The following IL1RAPL1 variants were observed in gnomAD, a reference collection of about 807,000 sequenced individuals.
The protein encoded by IL1RAPL1 is interleukin-1 receptor accessory protein-like 1.
IL1RAPL1 carries 3 observed loss-of-function variants against 48.4 expected under a neutral mutation model. That is an observed-to-expected ratio of 0.06 (90% CI 0.03 to 0.16). The LOEUF is 0.16. Ranked by LOEUF, IL1RAPL1 falls within the 10% of genes least tolerant of loss-of-function variation. The pLI, the probability that IL1RAPL1 is intolerant of heterozygous loss-of-function variation, is 1.00. For synonymous variants in IL1RAPL1, 185 were observed against 187.7 expected, an observed-to-expected ratio of 0.99 and a Z score of 0.12; for missense variants, 349 against 530.6, an observed-to-expected ratio of 0.66 and a Z score of 3.36.
intron 9 of IL1RAPL1, among the ~76,000 whole-genome samples, 161 bp from the exon 10 acceptor site, chrX:29,954,361 T>C (rs1403880183): frequency 9.0e-6 from 1 of 110,917 alleles, no homozygotes; most frequent in Admixed American, 9.6e-5. Context: ...AAACTAGTTT[T>C]AGAATCATTG....
intron 2 of IL1RAPL1, among the ~76,000 whole-genome samples, chrX:28,816,972 C>T (rs147686375): frequency 1.6e-4 from 18 of 110,432 alleles, no homozygotes; most frequent in African/African-American, 5.9e-4. Context: ...TCACTGATGC[C>T]TGTTCAGTTC....
chrX:29,077,982 A>G (rs1303696454), intron 2 of IL1RAPL1, among the ~76,000 whole-genome samples: 1 of 112,202 alleles, frequency 8.9e-6, no homozygotes, highest in East Asian at 2.8e-4. Context: ...AAATCAACAT[A>G]AAGAACAACA....
In IL1RAPL1 at chrX:28,839,800, C is replaced by T. The variant is rs996329803; in HGVS notation, c.82+50375C>T. 7.2e-5 allele frequency among the ~76,000 whole-genome samples: 8 copies of T among 110,473 alleles called. No individual in the cohort carries two copies. In the Admixed American group the frequency reaches 7.7e-4, roughly 11 times the overall value. On this transcript the variant is annotated intron_variant, in intron 2 of 10. Coordinates refer to ENST00000378993, the MANE Select transcript of IL1RAPL1 (RefSeq NM_014271.4). ...TGATAAAGGAAACTCAGGATGTAAG[C>T]CTGACACCCAAAGAGAGTTGGAGGG...
At chrX:29,280,532 G>A (rs1395640601) in intron 2 of IL1RAPL1, among the ~76,000 whole-genome samples, 1 of 112,161 alleles carries the variant, frequency 8.9e-6, no homozygotes, top group African/African-American at 3.2e-5. Flanking sequence ...TTATTAGCTG[G>A]CATGGAGTTT....
chrX:29,176,085 C>CTTTTTTTTTTT (rs752040172), intron 2 of IL1RAPL1, among the ~76,000 whole-genome samples: 8 of 75,748 alleles, frequency 1.1e-4, no homozygotes, highest in Admixed American at 3.3e-4. Flanking sequence ...TGGTAATTTG[C>CTTTTTTTTTTT]TTTTTTTTTT....
At chrX:29,634,216 T>A (rs149489533) in intron 5 of IL1RAPL1, among the ~76,000 whole-genome samples, 10,694 of 111,424 alleles carry the variant, frequency 0.096, 424 homozygotes, top group Middle Eastern at 0.21. Context: ...ACTTCTGGAT[T>A]CAGGGGTAAA....
intron 6 of IL1RAPL1, among the ~76,000 whole-genome samples, chrX:29,684,962 T>C (rs1926574906): frequency 8.9e-6 from 1 of 112,488 alleles, no homozygotes. Context: ...TGGACTTCGT[T>C]AATTTAGGAT....
intron 6 of IL1RAPL1, among the ~76,000 whole-genome samples, chrX:29,900,802 A>G (rs1245572712): frequency 5.4e-5 from 6 of 111,970 alleles, no homozygotes; most frequent in Non-Finnish European, 1.9e-5. Context: ...GTATATGGCC[A>G]TGATTTTATT....
chrX:29,742,929 C>A (rs1050919611), intron 6 of IL1RAPL1, among the ~76,000 whole-genome samples: 4 of 110,779 alleles, frequency 3.6e-5, no homozygotes, highest in African/African-American at 1.3e-4. Flanking sequence ...ATTCTAGTTG[C>A]GGCCCTGCCC....
At chrX:29,783,641 T>C (rs1929419174) in intron 6 of IL1RAPL1, among the ~76,000 whole-genome samples, 1 of 111,755 alleles carries the variant, frequency 8.9e-6, no homozygotes, top group South Asian at 3.7e-4. Flanking sequence ...CCCTGGGTAA[T>C]GTATAAATTC....
chrX:28,824,371 A>G (rs1307848019), intron 2 of IL1RAPL1, among the ~76,000 whole-genome samples: 1 of 111,349 alleles, frequency 9.0e-6, no homozygotes, highest in Admixed American at 9.6e-5. Flanking sequence ...TGAAAACTCT[A>G]GTCAGAATTT....
intron 2 of IL1RAPL1, among the ~76,000 whole-genome samples, chrX:28,882,133 A>G (rs769104633): frequency 9.0e-6 from 1 of 110,686 alleles, no homozygotes; most frequent in East Asian, 2.8e-4. Flanking sequence ...TTAAAAATTA[A>G]AAAAATATAT....
At chrX:29,937,344 G>A (rs1933050021) in intron 8 of IL1RAPL1, among the ~76,000 whole-genome samples, 1 of 111,918 alleles carries the variant, frequency 8.9e-6, no homozygotes, top group African/African-American at 3.2e-5. Flanking sequence ...CATTTCAAAG[G>A]GAAAATGACA....
intron 1 of IL1RAPL1, among the ~76,000 whole-genome samples, chrX:28,682,628 A>G (rs1372813764): frequency 9.0e-6 from 1 of 111,721 alleles, no homozygotes; most frequent in African/African-American, 3.3e-5. Context: ...GGGTCATCTT[A>G]TCCATAGAAC....
chrX:29,441,108 C>T (rs1321176497), intron 5 of IL1RAPL1, among the ~76,000 whole-genome samples: 1 of 109,163 alleles, frequency 9.2e-6, no homozygotes, highest in East Asian at 2.9e-4. Flanking sequence ...CCCTGCATAT[C>T]CTTCACTGGC....
At chrX:29,214,822 CA>C (rs909103926) in intron 2 of IL1RAPL1, among the ~76,000 whole-genome samples, 4 of 111,971 alleles carry the variant, frequency 3.6e-5, no homozygotes, top group African/African-American at 1.3e-4. Flanking sequence ...ATAACTAATG[CA>C]AGTAAATGGG....
At chrX:28,676,108 C>G (rs1328234867) in intron 1 of IL1RAPL1, among the ~76,000 whole-genome samples, 1 of 111,672 alleles carries the variant, frequency 9.0e-6, no homozygotes, top group East Asian at 2.8e-4. Context: ...ACTGAAATAC[C>G]TTCAGTGGTA....
At chrX:29,427,645 A>G (rs959837844) in intron 5 of IL1RAPL1, among the ~76,000 whole-genome samples, 2 of 111,319 alleles carry the variant, frequency 1.8e-5, no homozygotes, top group African/African-American at 6.5e-5. Context: ...TCCCAGGTTC[A>G]GGTGGCATCA....
At chrX:29,614,222 C>A (rs141856612) in intron 5 of IL1RAPL1, among the ~76,000 whole-genome samples, 12,722 of 111,205 alleles carry the variant, frequency 0.11, 950 homozygotes, top group African/African-American at 0.26. Flanking sequence ...GTCATACTTG[C>A]CTTGTTTTCT....
Sources: gnomAD v4.1 joint callset for allele counts (sites outside exome capture counted in the v4.1 genomes callset) on GRCh38, gnomAD v4.1.1 for gene constraint, MANE v1.5 for transcripts, NCBI Gene and HGNC (gene_info 2026-07-23, HGNC 2026-07-21) for gene names.